The following NRXN1 variants were observed in gnomAD, a reference collection of about 807,000 sequenced individuals.
NRXN1 encodes the protein neurexin 1, also known as neurexin-1.
In NRXN1, 39 loss-of-function variants were observed where a neutral mutation model predicts 150.9. The ratio of observed to expected loss-of-function variants is 0.26; its 90% CI spans 0.20 to 0.34. The LOEUF (loss-of-function observed/expected upper bound fraction) is 0.34, where lower values mean the gene tolerates loss of function less well. Ranked by LOEUF, NRXN1 falls within the 10% of genes least tolerant of loss-of-function variation. The pLI is 1.00. For synonymous variants in NRXN1, 924 were observed against 757.0 expected, an observed-to-expected ratio of 1.22 and a Z score of -3.62; for missense variants, 1,815 against 1,949.9, an observed-to-expected ratio of 0.93 and a Z score of 1.30.
At chr2:50,610,655 A>C (rs1362198344) in intron 8 of NRXN1, among the ~76,000 whole-genome samples, 1 of 108,886 alleles carries the variant, frequency 9.2e-6, no homozygotes, top group Non-Finnish European at 1.8e-5. Flanking sequence ...ATATATATAT[A>C]TATATATATA....
At chr2:50,805,486 A>C (rs1379172154) in intron 5 of NRXN1, among the ~76,000 whole-genome samples, 2 of 151,976 alleles carry the variant, frequency 1.3e-5, no homozygotes, top group Non-Finnish European at 2.9e-5. Flanking sequence ...AAACCCCATC[A>C]TTACTAAAAA....
chr2:50,173,604 T>C (rs1259677798), intron 18 of NRXN1, among the ~76,000 whole-genome samples: 1 of 152,160 alleles, frequency 6.6e-6, no homozygotes, highest in East Asian at 1.9e-4. Flanking sequence ...TATTAAATCA[T>C]GAGGAGGTAG....
chr2:50,401,720 A>C (rs140484074), intron 17 of NRXN1, among the ~76,000 whole-genome samples: 2 of 152,314 alleles, frequency 1.3e-5, no homozygotes, highest in African/African-American at 4.8e-5. Flanking sequence ...GCAAGTTGCC[A>C]CAAGAGCCTA....
chr2:50,700,806 T>A (rs1693627773), intron 5 of NRXN1, among the ~76,000 whole-genome samples: 1 of 97,146 alleles, frequency 1.0e-5, no homozygotes, highest in Non-Finnish European at 2.2e-5. Context: ...GGATCAAGAT[T>A]TTTTTTTTTT....
At chr2:50,221,222 G>A (rs2063861970) in intron 18 of NRXN1, among the ~76,000 whole-genome samples, 1 of 151,958 alleles carries the variant, frequency 6.6e-6, no homozygotes, top group South Asian at 2.1e-4. Context: ...TCTGTTCGCT[G>A]CCTAACAAAT....
chr2:50,042,776 A>C (rs1007430692), intron 21 of NRXN1, among the ~76,000 whole-genome samples: 3 of 152,190 alleles, frequency 2.0e-5, no homozygotes, highest in African/African-American at 7.2e-5. Context: ...ATCATTATCT[A>C]TCTATCTATT....
rs146341442 is a variant in NRXN1 at position 50,622,314 on chromosome 2, G to T, written c.1134+1000C>A. ...AAACCTTTCAGAACAGGAAAGAAAA[G>T]GTTAGACAGTTAACAGCTCTGAAAG... On this transcript the variant is annotated intron_variant, in intron 6 of 22. Transcript: ENST00000401669. Among the ~76,000 whole-genome samples the T allele has an allele frequency of 3.0e-3, 460 of 152,248 alleles. 3 individuals carry two copies. The highest frequency in any genetic ancestry group is 0.011 in the African/African-American group (438 of 41,556).
intron 17 of NRXN1, among the ~76,000 whole-genome samples, chr2:50,382,035 G>A (rs973565697): frequency 6.6e-6 from 1 of 152,108 alleles, no homozygotes; most frequent in Non-Finnish European, 1.5e-5. Context: ...GAGGGATTCT[G>A]CAAGGCCCAG....
intron 15 of NRXN1, among the ~76,000 whole-genome samples, chr2:50,477,209 A>C (rs1319074781): frequency 6.6e-6 from 1 of 152,200 alleles, no homozygotes; most frequent in Non-Finnish European, 1.5e-5. Context: ...TGTATAAGTA[A>C]AGTCAAAGGA....
intron 2 of NRXN1, among the ~76,000 whole-genome samples, chr2:50,958,365 T>C (rs1208556802): frequency 1.3e-5 from 2 of 152,084 alleles, no homozygotes; most frequent in African/African-American, 4.8e-5. Flanking sequence ...TCTCAAAGCC[T>C]TCATTTCAGC....
chr2:50,121,539 T>C (rs1255407673), intron 18 of NRXN1, among the ~76,000 whole-genome samples: 1 of 152,152 alleles, frequency 6.6e-6, no homozygotes, highest in African/African-American at 2.4e-5. Context: ...GACTTAAATA[T>C]CAACACTATG....
chr2:50,359,485 A>G (rs760049451), intron 17 of NRXN1, among the ~76,000 whole-genome samples: 25 of 151,718 alleles, frequency 1.6e-4, no homozygotes, highest in African/African-American at 4.8e-4. Flanking sequence ...TAGCCGAACT[A>G]TCAAGCAGAA....
chr2:50,549,442 C>A (rs1416234868), intron 9 of NRXN1, among the ~76,000 whole-genome samples: 1 of 152,008 alleles, frequency 6.6e-6, no homozygotes, highest in South Asian at 2.1e-4. Flanking sequence ...ATTGTTTGTA[C>A]CAATTCACTA....
At chr2:50,932,685 T>C (rs62142989) in intron 2 of NRXN1, among the ~76,000 whole-genome samples, 7,757 of 152,082 alleles carry the variant, frequency 0.051, 272 homozygotes, top group South Asian at 0.082. Context: ...CTAAAGAACT[T>C]ATCCATGCAA....
At chr2:50,824,074 T>C (rs540375089) in intron 5 of NRXN1, among the ~76,000 whole-genome samples, 11 of 152,222 alleles carry the variant, frequency 7.2e-5, no homozygotes, top group African/African-American at 2.4e-4. Context: ...GGATTTGCTA[T>C]GCAGAAGAAT....
chr2:50,819,131 T>C (rs1669347874), intron 5 of NRXN1, among the ~76,000 whole-genome samples: 1 of 151,942 alleles, frequency 6.6e-6, no homozygotes. Flanking sequence ...CCTCAAACAA[T>C]TAAAAATAGA....
intron 18 of NRXN1, among the ~76,000 whole-genome samples, chr2:50,215,650 G>A (rs1407114292): frequency 6.6e-6 from 1 of 151,828 alleles, no homozygotes; most frequent in African/African-American, 2.4e-5. Flanking sequence ...TTTTGAAGTT[G>A]TTTTAAAAAG....
At chr2:50,268,726 C>T (rs371344074) in intron 17 of NRXN1, among the ~76,000 whole-genome samples, 70 of 152,242 alleles carry the variant, frequency 4.6e-4, no homozygotes, top group African/African-American at 1.6e-3. Flanking sequence ...TCAATTGATT[C>T]GTGTTATCTT....
chr2:50,334,779 T>C (rs1291267608), intron 17 of NRXN1, among the ~76,000 whole-genome samples: 4 of 152,170 alleles, frequency 2.6e-5, no homozygotes, highest in Admixed American at 6.5e-5. Flanking sequence ...TAGAAGAAAA[T>C]CCAAGTTATG....
Sources: gnomAD v4.1 joint callset for allele counts (sites outside exome capture counted in the v4.1 genomes callset) on GRCh38, gnomAD v4.1.1 for gene constraint, MANE v1.5 for transcripts, NCBI Gene and HGNC (gene_info 2026-07-23, HGNC 2026-07-21) for gene names.